Variants in KIRREL3 observed in about 807,000 individuals in gnomAD.
KIRREL3 encodes kin of IRRE-like protein 3.
A neutral mutation model predicts 89.7 loss-of-function variants in KIRREL3; 36 were observed. The observed-to-expected ratio is 0.40, with a 90% CI of 0.31 to 0.53. The LOEUF (loss-of-function observed/expected upper bound fraction) is 0.53, where lower values mean the gene tolerates loss of function less well. Ranked by LOEUF, KIRREL3 falls within the 20% of genes least tolerant of loss-of-function variation. KIRREL3 has a pLI of 0.49. For synonymous variants in KIRREL3, 445 were observed against 441.4 expected (o/e 1.01, Z -0.10); for missense variants, 864 against 1,056.6 (o/e 0.82, Z 2.53).
chr11:126,923,266 TCTC>T (rs1394423140), intron 1 of KIRREL3, among the ~76,000 whole-genome samples: 1,491 of 79,068 alleles, frequency 0.019, 306 homozygotes, highest in African/African-American at 0.033. Context: ...TTCTTCTTCT[TCTC>T]CTTCTCCTTC....
rs1955651555 is a variant in KIRREL3 at position 126,443,156 on chromosome 11, T to G, written c.1252+1823A>C. Among the ~76,000 whole-genome samples the G allele has an allele frequency of 6.6e-6, 1 of 152,156 alleles. No homozygotes were observed. Among genetic ancestry groups the G allele is most frequent in the South Asian group, 2.1e-4 (1 of 4,832 alleles). ...TGCTTTTCCCCAGAAACGCCAATGCTCATTTGATGCTCCAGGCTTGGGGGC... is the reference window on the plus strand; with the variant it reads ...TGCTTTTCCCCAGAAACGCCAATGCGCATTTGATGCTCCAGGCTTGGGGGC... On this transcript the variant is annotated intron_variant, in intron 10 of 16. Coordinates refer to ENST00000525144, the MANE Select transcript of KIRREL3 (RefSeq NM_032531.4). The surrounding 1 kb of genome is among the most constrained non-coding windows in gnomAD (Gnocchi z 7.3).
chr11:126,942,092 G>C (rs536468239), intron 1 of KIRREL3, among the ~76,000 whole-genome samples: 2 of 152,242 alleles, frequency 1.3e-5, no homozygotes, highest in African/African-American at 4.8e-5. Flanking sequence ...AGAAAGGTGG[G>C]GGCAGGTGGT....
rs1949831918 is a variant in KIRREL3 at position 126,766,614 on chromosome 11, T to C, written c.56-203702A>G. On this transcript the variant is annotated intron_variant, in intron 1 of 16. Transcript: ENST00000525144. The surrounding 1 kb of genome is among the most constrained non-coding windows in gnomAD (Gnocchi z 4.2). ...TTGTGCCTCATGGTGGCGCCAGTAG[T>C]ATCATTCCATTACCATTTCCTCAAA... Among the ~76,000 whole-genome samples, 1 of 152,176 alleles carries C rather than the reference T, an allele frequency of 6.6e-6. No individual in the cohort carries two copies. The highest frequency in any genetic ancestry group is 2.4e-5 in the African/African-American group (1 of 41,432).
At position 126,526,822 on chromosome 11, in the gene KIRREL3, G is replaced by T; in HGVS notation, c.134-135C>A. The stretch of plus-strand genomic sequence containing the variant: ...TGAAGCACCTGGCTTTCCTGCTGAG[G>T]GTCTGGTAGAGCTTCCTAACTGGTC... On this transcript the variant is annotated intron_variant, in intron 2 of 16. Coordinates refer to ENST00000525144, the MANE Select transcript of KIRREL3 (RefSeq NM_032531.4). This position sits in a 1 kb window ranked among gnomAD's most constrained non-coding sequence, Gnocchi z 5.7. 15 of 968,378 alleles carry T rather than the reference G, an allele frequency of 1.5e-5. 1 individual carries two copies. The highest frequency in any genetic ancestry group is 2.3e-5 in the Non-Finnish European group (15 of 651,864). The allele number at this position is 968,378 out of a possible 1,614,324, so 60.0% of individuals were successfully genotyped here.
rs1280428548 is a variant in KIRREL3 at position 126,639,178 on chromosome 11, G to A, written c.56-76266C>T. Among the ~76,000 whole-genome samples the A allele has an allele frequency of 6.6e-6, 1 of 152,130 alleles. No individual in the cohort carries two copies. The highest frequency in any genetic ancestry group is 1.5e-5 in the Non-Finnish European group (1 of 68,030). On this transcript the variant is annotated intron_variant, in intron 1 of 16. Transcript: ENST00000525144. This position sits in a 1 kb window ranked among gnomAD's most constrained non-coding sequence, Gnocchi z 4.3. ...GGTGCTAATAGATCTGGAAACTTAA[G>A]CTCTGGAGGGCCACCTGTCAGATGA...
intron 1 of KIRREL3, among the ~76,000 whole-genome samples, chr11:126,580,836 G>GTTTTTTTTTTTTTTT (rs58691243): frequency 7.1e-6 from 1 of 140,812 alleles, no homozygotes; most frequent in Non-Finnish European, 1.5e-5. Flanking sequence ...GGAATTTCCT[G>GTTTTTTTTTTTTTTT]TTTTTTTTTT....
At chr11:126,502,293 C>T (rs1170415859) in intron 4 of KIRREL3, among the ~76,000 whole-genome samples, 1 of 152,224 alleles carries the variant, frequency 6.6e-6, no homozygotes. Context: ...AGCACACCAG[C>T]TAGGGAAGCA....
chr11:126,758,410 G>T (rs915711760), intron 1 of KIRREL3, among the ~76,000 whole-genome samples: 1 of 152,342 alleles, frequency 6.6e-6, no homozygotes, highest in Admixed American at 6.5e-5. Flanking sequence ...CATTTGAAGA[G>T]AAGTCAAATG....
chr11:126,456,407 C>A lies in KIRREL3; in HGVS notation c.790G>T (p.Asp264Tyr). The part of the protein sequence containing the change: ...LSVEPQPVLE[D>Y]NVVTFHCSAK... ...GAGCAGTGGAAAGTGACGACGTTGTCCTCCAGCACTGGCTGTGGCTCCACC... is the reference window on the plus strand; with the variant it reads ...GAGCAGTGGAAAGTGACGACGTTGTACTCCAGCACTGGCTGTGGCTCCACC... The change falls in exon 7 of 17, where the codon GAC becomes TAC. Residue 264 changes from aspartate to tyrosine, a missense_variant. Coordinates refer to ENST00000525144, the MANE Select transcript of KIRREL3 (RefSeq NM_032531.4). The A allele has an allele frequency of 6.3e-7, 1 of 1,593,862 alleles. No homozygotes were observed. The highest frequency in any genetic ancestry group is 1.1e-5 in the South Asian group (1 of 86,970).
At chr11:126,618,163 G>A (rs980165182) in intron 1 of KIRREL3, among the ~76,000 whole-genome samples, 2 of 152,116 alleles carry the variant, frequency 1.3e-5, no homozygotes, top group African/African-American at 2.4e-5. Context: ...GAGACATCTC[G>A]CTTCTCCTAC....
chr11:126,664,641 T>C lies in KIRREL3; in HGVS notation c.56-101729A>G, dbSNP rs1047997262. Among the ~76,000 whole-genome samples the C allele has an allele frequency of 2.0e-5, 3 of 152,222 alleles. No individual in the cohort carries two copies. The highest frequency in any genetic ancestry group is 1.3e-4 in the Admixed American group (2 of 15,284). On this transcript the variant is annotated intron_variant, in intron 1 of 16. Coordinates refer to ENST00000525144, the MANE Select transcript of KIRREL3 (RefSeq NM_032531.4). This position sits in a 1 kb window ranked among gnomAD's most constrained non-coding sequence, Gnocchi z 5.4. ...ATTGTTACCAGCTCCGATGTGCCCTTCCTGCATGCCAAAGCCAGTTCTCTC... is the reference window on the plus strand; with the variant it reads ...ATTGTTACCAGCTCCGATGTGCCCTCCCTGCATGCCAAAGCCAGTTCTCTC...
chr11:126,615,485 A>G lies in KIRREL3; in HGVS notation c.56-52573T>C, dbSNP rs1403711610. Among the ~76,000 whole-genome samples, 1 of 152,176 alleles carries G rather than the reference A, an allele frequency of 6.6e-6. No individual in the cohort carries two copies. The highest frequency in any genetic ancestry group is 2.4e-5 in the African/African-American group (1 of 41,440). ...GGCAAAATCACAGCCAGTAGGTAGC[A>G]GAGGCTGGATGTGAAATTAGGTCTG... On this transcript the variant is annotated intron_variant, in intron 1 of 16. Coordinates refer to ENST00000525144, the MANE Select transcript of KIRREL3 (RefSeq NM_032531.4). The surrounding 1 kb of genome is among the most constrained non-coding windows in gnomAD (Gnocchi z 5.4).
chr11:126,847,796 C>T (rs1215597273), intron 1 of KIRREL3, among the ~76,000 whole-genome samples: 1 of 152,142 alleles, frequency 6.6e-6, no homozygotes, highest in African/African-American at 2.4e-5. Context: ...GAATTTGGAA[C>T]ACATTTGTTT....
Position 126,923,664 on chromosome 11 carries a change from G to A in KIRREL3, c.55+76791C>T, listed in dbSNP as rs192950537. On this transcript the variant is annotated intron_variant, in intron 1 of 16. Transcript: ENST00000525144. ...TCACCATGTTGCCCAGGCTGGCCTC[G>A]AACTCTTGAGCTCAGGCAATCCACC... 3.9e-3 allele frequency among the ~76,000 whole-genome samples: 588 copies of A among 151,940 alleles called. 6 individuals are homozygous for A. Among genetic ancestry groups the A allele is most frequent in the African/African-American group, 0.013 (546 of 41,426 alleles).
rs751258695 is a variant in KIRREL3 at position 126,934,292 on chromosome 11, T to C, written c.55+66163A>G. 8.6e-4 allele frequency among the ~76,000 whole-genome samples: 131 copies of C among 152,256 alleles called. 2 individuals carry two copies. The highest frequency in any genetic ancestry group is 8.1e-4 in the Non-Finnish European group (55 of 68,016). On this transcript the variant is annotated intron_variant, in intron 1 of 16. Transcript: ENST00000525144. ...AATATGAACTTAGACCCTGGCCTCA[T>C]ACCACAAGCACAAATTAACCCCAAA...
At chr11:126,962,590 G>A (rs752774900) in intron 1 of KIRREL3, among the ~76,000 whole-genome samples, 11 of 152,138 alleles carry the variant, frequency 7.2e-5, no homozygotes, top group Non-Finnish European at 1.6e-4. Context: ...AAGTTGAAAC[G>A]ACAACAAAAG....
intron 5 of KIRREL3, among the ~76,000 whole-genome samples, chr11:126,464,756 T>G (rs1001504978): frequency 6.6e-6 from 1 of 152,130 alleles, no homozygotes; most frequent in African/African-American, 2.4e-5. Flanking sequence ...CCCTGGAGCC[T>G]TTGGAGGGGC....
At chr11:126,971,045 A>C (rs1383246853) in intron 1 of KIRREL3, among the ~76,000 whole-genome samples, 1 of 151,862 alleles carries the variant, frequency 6.6e-6, no homozygotes, top group Non-Finnish European at 1.5e-5. Flanking sequence ...ATTGTTCCCC[A>C]CTCTCAACAG....
chr11:126,579,841 G>A lies in KIRREL3; in HGVS notation c.56-16929C>T, dbSNP rs1240618310. Among the ~76,000 whole-genome samples the A allele has an allele frequency of 3.3e-5, 3 of 91,448 alleles. No homozygotes were observed. The highest frequency in any genetic ancestry group is 1.5e-4 in the Admixed American group (1 of 6,670). The allele number at this position is 91,448 out of a possible 152,430, so 60.0% of individuals were successfully genotyped here. On this transcript the variant is annotated intron_variant, in intron 1 of 16. Transcript: ENST00000525144. The surrounding 1 kb of genome is among the most constrained non-coding windows in gnomAD (Gnocchi z 5.3). The stretch of plus-strand genomic sequence containing the variant: ...TGAATTGTGAGGTCCTTAAAAGAGG[G>A]AGCCAAGTCATTTTTTTTTTTTGAG...
Sources: allele counts gnomAD v4.1 joint callset (sites outside exome capture counted in the v4.1 genomes callset), GRCh38; gene constraint gnomAD v4.1.1; non-coding constraint Gnocchi (gnomAD v3.1); transcripts MANE v1.5; gene names NCBI Gene and HGNC (gene_info 2026-07-23, HGNC 2026-07-21).